Variants in ADCY10 observed in about 807,000 individuals in gnomAD.
The protein encoded by ADCY10 is adenylate cyclase type 10.
A neutral mutation model predicts 183.3 loss-of-function variants in ADCY10; 156 were observed. The observed-to-expected ratio is 0.85, with a 90% CI of 0.75 to 0.97. The LOEUF (loss-of-function observed/expected upper bound fraction) is 0.97. ADCY10 is among the 50% of genes least tolerant of loss of function. The pLI, the probability that ADCY10 is intolerant of heterozygous loss-of-function variation, is 0.00. For missense variants in ADCY10, 1,745 were observed against 1,934.3 expected (o/e 0.90, Z 1.84); for synonymous variants, 645 against 670.0 (o/e 0.96, Z 0.58).
intron 19 of ADCY10, among the ~76,000 whole-genome samples, chr1:167,847,228 T>G (rs1278308685): frequency 6.6e-6 from 1 of 151,798 alleles, no homozygotes; most frequent in Non-Finnish European, 1.5e-5. Context: ...CCTTCTTACA[T>G]TAGTAGACAC....
At chr1:167,860,567 T>C (rs780392908) in intron 15 of ADCY10, among the ~76,000 whole-genome samples, 3 of 152,190 alleles carry the variant, frequency 2.0e-5, no homozygotes, top group Admixed American at 6.5e-5. Flanking sequence ...CAGTCTGCAC[T>C]GGCATCACTT....
At chr1:167,864,333 T>C (rs1375228366) in intron 14 of ADCY10, among the ~76,000 whole-genome samples, 1 of 152,172 alleles carries the variant, frequency 6.6e-6, no homozygotes, top group Non-Finnish European at 1.5e-5. Context: ...GATTACGGTG[T>C]TACTATGACA....
intron 18 of ADCY10, among the ~76,000 whole-genome samples, chr1:167,851,336 G>A (rs558374502): frequency 3.3e-5 from 5 of 151,998 alleles, no homozygotes; most frequent in South Asian, 2.1e-4. Flanking sequence ...ACAGGCGTGC[G>A]ACACCACACC....
At position 167,891,981 on chromosome 1, in the gene ADCY10, T is replaced by C. The variant is rs1443586998; in HGVS notation, c.828+1872A>G. On this transcript the variant is annotated intron_variant, in intron 8 of 32. Coordinates refer to ENST00000367851, the MANE Select transcript of ADCY10 (RefSeq NM_018417.6). ...TGTGCTAATTTTTTTCTTTTCTTTT[T>C]TTTTTTTTTAGAGACAGGGTCTTGC... is the stretch of plus-strand genomic sequence containing the variant. Among the ~76,000 whole-genome samples, 5 of 151,722 alleles carry C rather than the reference T, an allele frequency of 3.3e-5. No homozygotes were observed. The East Asian group carries it at 7.7e-4, about 23-fold the overall frequency.
At chr1:167,860,501 A>G (rs959777885) in intron 15 of ADCY10, among the ~76,000 whole-genome samples, 2 of 152,298 alleles carry the variant, frequency 1.3e-5, no homozygotes, top group East Asian at 3.9e-4. Context: ...CAGGCCATGA[A>G]CTAGTACCAG....
chr1:167,863,236 G>C (rs986194994), intron 14 of ADCY10, among the ~76,000 whole-genome samples: 1 of 152,122 alleles, frequency 6.6e-6, no homozygotes, highest in African/African-American at 2.4e-5. Context: ...GTTAAAATTC[G>C]ACCCCTGACC....
At chr1:167,873,380 C>G (rs1667236543) in intron 13 of ADCY10, among the ~76,000 whole-genome samples, 1 of 152,152 alleles carries the variant, frequency 6.6e-6, no homozygotes, top group African/African-American at 2.4e-5. Context: ...CTGTTGCCCT[C>G]CTTCAGGCTC....
At chr1:167,893,488 A>G (rs985083271) in intron 8 of ADCY10, among the ~76,000 whole-genome samples, 3 of 152,024 alleles carry the variant, frequency 2.0e-5, no homozygotes, top group Non-Finnish European at 4.4e-5. Context: ...TGAGGCGGGC[A>G]GATTTCTTGA....
At position 167,859,858 on chromosome 1, in the gene ADCY10, G is replaced by T. The variant is rs556440850; in HGVS notation, c.1845C>A (p.Thr615=). ...TTTCCAATTGTTTTTGCTTTTTCAA[G>T]GTGCTCATCCTGGAAATCTCCCGAG... ...PISREISRMS[T]LKKQKQLEIL... is the part of the protein sequence containing the mutation. The change falls in exon 16 of 33, where the codon ACC becomes ACA. Residue 615 remains threonine (T), a synonymous_variant. Transcript: ENST00000367851. The T allele has an allele frequency of 3.5e-5, 56 of 1,613,498 alleles. 1 individual carries two copies. The South Asian group carries it at 4.3e-4, about 12-fold the overall frequency.
chr1:167,843,711 C>A (rs977533788), intron 21 of ADCY10, among the ~76,000 whole-genome samples: 1 of 152,198 alleles, frequency 6.6e-6, no homozygotes, highest in Non-Finnish European at 1.5e-5. Context: ...TTCCCACAGT[C>A]TGGGATGGCA....
intron 30 of ADCY10, chr1:167,819,953 G>A (rs975147712): frequency 8.2e-7 from 1 of 1,214,698 alleles, no homozygotes; most frequent in Non-Finnish European, 1.2e-6. Context: ...ATCTTCATCT[G>A]TGCTGTATTC....
intron 30 of ADCY10, chr1:167,820,286 C>T: frequency 5.1e-6 from 7 of 1,363,052 alleles, no homozygotes; most frequent in Non-Finnish European, 9.9e-7. Flanking sequence ...GCCGCAGCGC[C>T]GGCCGCCTAG....
chr1:167,896,834 A>T, intron 6 of ADCY10, 143 bp from the exon 7 acceptor site: 1 of 642,678 alleles, frequency 1.6e-6, no homozygotes, highest in South Asian at 1.8e-5. Context: ...TGATTTGTAA[A>T]ATTGAAATTT....
chr1:167,846,291 A>T, intron 19 of ADCY10, 28 bp from the exon 20 acceptor site: 3 of 1,613,530 alleles, frequency 1.9e-6, no homozygotes, highest in Non-Finnish European at 2.5e-6. Context: ...CACAGTAGAA[A>T]ACTAGTTATT....
At chr1:167,868,222 T>A (rs761729524) in intron 14 of ADCY10, among the ~76,000 whole-genome samples, 4 of 152,132 alleles carry the variant, frequency 2.6e-5, no homozygotes, top group Non-Finnish European at 5.9e-5. Context: ...TCACCTCATG[T>A]TACGTTTGTG....
chr1:167,844,291 G>T (rs1470773916), intron 21 of ADCY10, among the ~76,000 whole-genome samples: 1 of 152,082 alleles, frequency 6.6e-6, no homozygotes, highest in Non-Finnish European at 1.5e-5. Context: ...AATCTTCATG[G>T]TCCAGATCCT....
intron 1 of ADCY10, among the ~76,000 whole-genome samples, chr1:167,911,975 G>T (rs1471971297): frequency 6.6e-6 from 1 of 152,132 alleles, no homozygotes; most frequent in Non-Finnish European, 1.5e-5. Flanking sequence ...TTAAAAGGCA[G>T]GGAGATCTAA....
intron 5 of ADCY10, 129 bp downstream of exon 5, chr1:167,901,533 T>C (rs1669421528): frequency 1.0e-6 from 1 of 960,862 alleles, no homozygotes; most frequent in Non-Finnish European, 1.7e-6. Flanking sequence ...ATTGTCCTGA[T>C]GCCAAAGTTC....
chr1:167,904,016 C>T (rs1460352896), intron 2 of ADCY10, 25 bp from the exon 3 acceptor site: 2 of 1,532,448 alleles, frequency 1.3e-6, no homozygotes, highest in Non-Finnish European at 1.8e-6. Flanking sequence ...CAGCTGGTTT[C>T]CTTGGCTGCT....
Sources: allele counts gnomAD v4.1 joint callset (sites outside exome capture counted in the v4.1 genomes callset), GRCh38; gene constraint gnomAD v4.1.1; transcripts MANE v1.5; gene names NCBI Gene and HGNC (gene_info 2026-07-23, HGNC 2026-07-21).